The following KCNH7 variants were observed in gnomAD, a reference collection of about 807,000 sequenced individuals.
KCNH7 encodes potassium voltage-gated channel subfamily H member 7.
In KCNH7, 49 loss-of-function variants were observed where a neutral mutation model predicts 120.8. That is an observed-to-expected ratio of 0.41 (90% CI 0.32 to 0.51). The LOEUF is 0.51. KCNH7 is among the 20% of genes least tolerant of loss of function. The pLI is 0.38. For synonymous variants in KCNH7, 547 were observed against 516.1 expected, an observed-to-expected ratio of 1.06 and a Z score of -0.81; for missense variants, 1,097 against 1,446.6, an observed-to-expected ratio of 0.76 and a Z score of 3.92.
chr2:162,705,520 G>A lies in KCNH7; in HGVS notation c.307+131017C>T, dbSNP rs544308018. Among the ~76,000 whole-genome samples, 3 of 152,166 alleles carry A rather than the reference G, an allele frequency of 2.0e-5. No individual in the cohort carries two copies. In the East Asian group the frequency reaches 5.8e-4, roughly 29 times the overall value. ...CATTTGCCTTATTTCTCATTTGTTA[G>A]TTATGTCTACATATAGGTATTTTGT... On this transcript the variant is annotated intron_variant, in intron 2 of 15. Transcript: ENST00000332142.
At chr2:162,403,917 GA>G (rs1462170086) in intron 9 of KCNH7, among the ~76,000 whole-genome samples, 2 of 151,902 alleles carry the variant, frequency 1.3e-5, no homozygotes, top group Non-Finnish European at 2.9e-5. Context: ...GAAGTACATT[GA>G]AAAAAGTCTG....
At chr2:162,503,812 G>A (rs953125621) in intron 6 of KCNH7, among the ~76,000 whole-genome samples, 4 of 152,016 alleles carry the variant, frequency 2.6e-5, no homozygotes, top group Non-Finnish European at 2.9e-5. Context: ...CAAAAGCTAC[G>A]TACTGCTTAG....
intron 3 of KCNH7, chr2:162,528,329 C>T (rs969119385): frequency 6.6e-6 from 1 of 151,898 alleles, no homozygotes; most frequent in African/African-American, 2.4e-5. Flanking sequence ...TTACTCCTGG[C>T]CTTCTTCATT....
chr2:162,768,387 C>A (rs898537242), intron 2 of KCNH7, among the ~76,000 whole-genome samples: 2 of 151,864 alleles, frequency 1.3e-5, no homozygotes, highest in Non-Finnish European at 2.9e-5. Flanking sequence ...AGGGAAAAAA[C>A]CCAACAGCAT....
At chr2:162,677,011 T>A (rs1685552075) in intron 2 of KCNH7, among the ~76,000 whole-genome samples, 1 of 151,536 alleles carries the variant, frequency 6.6e-6, no homozygotes, top group African/African-American at 2.4e-5. Context: ...TAGTTTATTA[T>A]TTTGTGCTGA....
In KCNH7 at chr2:162,571,841, A is replaced by G. The variant is rs1033030780; in HGVS notation, c.308-34761T>C. Among the ~76,000 whole-genome samples the G allele has an allele frequency of 2.0e-5, 3 of 151,660 alleles. No individual in the cohort carries two copies. In the East Asian group the frequency reaches 5.8e-4, roughly 29 times the overall value. On this transcript the variant is annotated intron_variant, in intron 2 of 15. Coordinates refer to ENST00000332142, the MANE Select transcript of KCNH7 (RefSeq NM_033272.4). Reference sequence around the variant, plus strand: ...ATGGTGCTGGGAAAACTGGCTAGCCATATGTAGAAAGCTGAAACTGGATCC... The same window carrying G: ...ATGGTGCTGGGAAAACTGGCTAGCCGTATGTAGAAAGCTGAAACTGGATCC...
chr2:162,509,768 T>A (rs1691004286), intron 5 of KCNH7, among the ~76,000 whole-genome samples: 1 of 151,586 alleles, frequency 6.6e-6, no homozygotes, highest in South Asian at 2.1e-4. Context: ...ATTTCATTTA[T>A]GAGTCATATA....
rs530047061 is a variant in KCNH7, at chr2:162,461,446, A to G, written c.1129-15003T>C. ...TCTTACCATAAATACCCAATAAGTG[A>G]TGATTACTATCATAATAATACATTT... is the stretch of plus-strand genomic sequence containing the variant. On this transcript the variant is annotated intron_variant, in intron 6 of 15. Transcript: ENST00000332142. Among the ~76,000 whole-genome samples, 257 of 152,342 alleles carry G rather than the reference A, an allele frequency of 1.7e-3. 2 individuals are homozygous for G. Among genetic ancestry groups the G allele is most frequent in the African/African-American group, 5.8e-3 (243 of 41,588 alleles).
intron 2 of KCNH7, among the ~76,000 whole-genome samples, chr2:162,630,325 T>C (rs948087316): frequency 1.3e-5 from 2 of 152,038 alleles, no homozygotes; most frequent in Non-Finnish European, 2.9e-5. Context: ...ATTACACCCA[T>C]TGTTATGACA....
chr2:162,668,853 G>T (rs1685240849), intron 2 of KCNH7, among the ~76,000 whole-genome samples: 1 of 152,066 alleles, frequency 6.6e-6, no homozygotes, highest in Admixed American at 6.6e-5. Flanking sequence ...TACATACAAA[G>T]ATTTAGAAAC....
In KCNH7 at chr2:162,526,429, C is replaced by T. The variant is rs6725852; in HGVS notation, c.464-8271G>A. Among the ~76,000 whole-genome samples, 590 of 151,962 alleles carry T rather than the reference C, an allele frequency of 3.9e-3. 4 individuals carry two copies. Among genetic ancestry groups the T allele is most frequent in the African/African-American group, 0.013 (532 of 41,500 alleles). ...TTCCTCGTCCTAATAAGCCTGGGAG[C>T]GCTACGGGAGACTGGGGCTTATTTC... On this transcript the variant is annotated intron_variant, in intron 3 of 15. Coordinates refer to ENST00000332142, the MANE Select transcript of KCNH7 (RefSeq NM_033272.4).
chr2:162,734,384 A>G (rs1467641329), intron 2 of KCNH7, among the ~76,000 whole-genome samples: 1 of 152,130 alleles, frequency 6.6e-6, no homozygotes, highest in Non-Finnish European at 1.5e-5. Context: ...TTTTATAACA[A>G]TTTTTAATGA....
At chr2:162,776,998 G>A (rs921943615) in intron 2 of KCNH7, among the ~76,000 whole-genome samples, 14 of 152,104 alleles carry the variant, frequency 9.2e-5, no homozygotes, top group Non-Finnish European at 1.5e-5. Flanking sequence ...TACTAGAGTT[G>A]GTACTTGGAG....
chr2:162,554,354 A>G (rs975942769), intron 2 of KCNH7, among the ~76,000 whole-genome samples: 3 of 152,152 alleles, frequency 2.0e-5, no homozygotes, highest in African/African-American at 4.8e-5. Flanking sequence ...CACAAACTCC[A>G]TCATAGCCTT....
At chr2:162,617,074 G>A (rs999842384) in intron 2 of KCNH7, among the ~76,000 whole-genome samples, 5 of 152,114 alleles carry the variant, frequency 3.3e-5, no homozygotes, top group Non-Finnish European at 7.4e-5. Flanking sequence ...GGAGGGGACT[G>A]GTGGATCTGA....
At chr2:162,725,664 A>G (rs1489238460) in intron 2 of KCNH7, among the ~76,000 whole-genome samples, 2 of 152,178 alleles carry the variant, frequency 1.3e-5, no homozygotes, top group Non-Finnish European at 2.9e-5. Flanking sequence ...TGTTTCTTTA[A>G]TCACTCCTAT....
intron 6 of KCNH7, among the ~76,000 whole-genome samples, chr2:162,453,485 G>T (rs1186237989): frequency 1.3e-5 from 2 of 152,142 alleles, no homozygotes; most frequent in Non-Finnish European, 2.9e-5. Context: ...ACCCAGTAAT[G>T]GGATTGCTGG....
At chr2:162,809,327 CT>C (rs1684652161) in intron 2 of KCNH7, among the ~76,000 whole-genome samples, 1 of 152,134 alleles carries the variant, frequency 6.6e-6, no homozygotes, top group African/African-American at 2.4e-5. Context: ...TCTTCAGCTT[CT>C]TGTTTCTTTT....
At chr2:162,649,626 G>T (rs892658361) in intron 2 of KCNH7, among the ~76,000 whole-genome samples, 13 of 143,484 alleles carry the variant, frequency 9.1e-5, no homozygotes, top group African/African-American at 3.5e-4. Context: ...ATAGAAATGG[G>T]TCTTGATCTC....
Sources: allele counts gnomAD v4.1 joint callset (sites outside exome capture counted in the v4.1 genomes callset), GRCh38; gene constraint gnomAD v4.1.1; transcripts MANE v1.5; gene names NCBI Gene and HGNC (gene_info 2026-07-23, HGNC 2026-07-21).